Variants in TREH observed in about 807,000 individuals in gnomAD.
TREH encodes alpha,alpha-trehalose glucohydrolase.
Under a neutral mutation model 80.5 loss-of-function variants are expected in TREH, and 69 were observed. That is an observed-to-expected ratio of 0.86 (90% CI 0.71 to 1.05). TREH has a LOEUF of 1.05. Among genes scored for constraint, TREH ranks in the 50% least tolerant of loss-of-function variants. The probability of loss-of-function intolerance (pLI) is 0.00; values close to 1 mark genes in which losing one functional copy is unlikely to be tolerated. For synonymous variants in TREH, 309 were observed against 293.5 expected, an observed-to-expected ratio of 1.05 and a Z score of -0.54; for missense variants, 716 against 718.8, an observed-to-expected ratio of 1.00 and a Z score of 0.04.
chr11:118,658,298 C>T lies in TREH; in HGVS notation c.1743G>A (p.Leu581=), dbSNP rs535499688. The change falls in exon 15 of 15, where the codon CTG becomes CTA. Residue 581 remains leucine, a synonymous_variant. Transcript: ENST00000264029. ...TLLPSLLLSL[L]PW is the part of the protein sequence containing the mutation. ...GAGGAGAGGAGGGCTGTCACCATGG[C>T]AGGAGGCTGAGCAGGAGGCTGGGCA... 5.7e-6 allele frequency: 9 copies of T among 1,586,154 alleles called. No homozygotes were observed. Among genetic ancestry groups the T allele is most frequent in the Non-Finnish European group, 7.7e-6 (9 of 1,167,128 alleles).
chr11:118,661,075 A>C lies in TREH; in HGVS notation c.857+85T>G, dbSNP rs971771003. 43 of 1,594,904 alleles carry C rather than the reference A, an allele frequency of 2.7e-5. No homozygotes were observed. Among genetic ancestry groups the C allele is most frequent in the Non-Finnish European group, 3.6e-5 (42 of 1,169,130 alleles). ...ACCATCTGAGAGGCCAGGCTAAGTC[A>C]CTCCTCCTCCTGCCCGGGGCATTGT... is the stretch of plus-strand genomic sequence containing the variant. On this transcript the variant is annotated intron_variant, in intron 8 of 14. Transcript: ENST00000264029. The surrounding 1 kb of genome is among the most constrained non-coding windows in gnomAD (Gnocchi z 4.2).
At chr11:118,676,622 C>A (rs1555146863) in intron 1 of TREH, among the ~76,000 whole-genome samples, 1 of 151,966 alleles carries the variant, frequency 6.6e-6, no homozygotes, top group African/African-American at 2.4e-5. Context: ...CAAAAATTAG[C>A]CAGGCGTGGT....
At chr11:118,659,703 C>T (rs1166389982) in intron 11 of TREH, 44 bp downstream of exon 11, 10 of 1,546,094 alleles carry the variant, frequency 6.5e-6, no homozygotes, top group Middle Eastern at 1.8e-4. Context: ...CGGGAGGGGG[C>T]GGTGCTGCCT....
intron 1 of TREH, among the ~76,000 whole-genome samples, chr11:118,667,499 A>C (rs1224002311): frequency 2.6e-5 from 4 of 152,178 alleles, no homozygotes; most frequent in African/African-American, 9.7e-5. Flanking sequence ...CAGCATGCCC[A>C]GCCCAAATGG....
At chr11:118,672,665 C>T (rs1038476270) in intron 1 of TREH, among the ~76,000 whole-genome samples, 1 of 134,700 alleles carries the variant, frequency 7.4e-6, no homozygotes, top group Non-Finnish European at 1.5e-5. Context: ...AAGCTGAGAT[C>T]GCACGCCACT....
chr11:118,679,645 CTGAA>C lies in TREH; in HGVS notation c.-22_-19del, dbSNP rs1949515164. ...CCTGGCATGGTGGCTGTGACTGTGA[CTGAA>C]TGAGCAAGCCCAGGCACCTTCGGCT... On this transcript the variant is annotated 5_prime_UTR_variant, in exon 1 of 15. Coordinates refer to ENST00000264029, the MANE Select transcript of TREH (RefSeq NM_007180.3). The C allele has an allele frequency of 6.8e-7, 1 of 1,473,948 alleles. No homozygotes were observed. The highest frequency in any genetic ancestry group is 9.0e-7 in the Non-Finnish European group (1 of 1,105,724). The allele number at this position is 1,473,948 out of a possible 1,614,324, so 91.3% of individuals were successfully genotyped here. A position where few individuals can be genotyped will look rare whatever the true frequency, so the allele number is the denominator to read the frequency against.
In TREH at chr11:118,661,723, G is replaced by A. The variant is rs782391002; in HGVS notation, c.531C>T (p.Ser177=). The A allele has an allele frequency of 4.3e-6, 7 of 1,613,874 alleles. No individual in the cohort carries two copies. The South Asian group carries it at 7.7e-5, about 18-fold the overall frequency. The stretch of plus-strand genomic sequence containing the variant: ...GGAGCAGACCCTCCATGACCCAGTA[G>A]GAGTCCCTGGGGAAGGGGCAGCTTA... ...GRFVEFYYWD[S]YWVMEGLLLS... The change falls in exon 6 of 15, where the codon TCC becomes TCT. Residue 177 remains serine, a synonymous_variant. Transcript: ENST00000264029. The surrounding 1 kb of genome is among the most constrained non-coding windows in gnomAD (Gnocchi z 4.2).
At chr11:118,676,966 C>T (rs1384285359) in intron 1 of TREH, among the ~76,000 whole-genome samples, 2 of 152,228 alleles carry the variant, frequency 1.3e-5, no homozygotes, top group East Asian at 3.8e-4. Context: ...AGCAGGTCTG[C>T]TGTGTTCAAA....
chr11:118,669,219 A>G (rs1031176666), intron 1 of TREH, among the ~76,000 whole-genome samples: 6 of 152,228 alleles, frequency 3.9e-5, no homozygotes, highest in Admixed American at 3.9e-4. Context: ...GATGTGAAGA[A>G]AAGGAAACCC....
At chr11:118,665,805 G>A (rs558695143) in intron 1 of TREH, among the ~76,000 whole-genome samples, 4 of 152,306 alleles carry the variant, frequency 2.6e-5, no homozygotes, top group South Asian at 2.1e-4. Context: ...CACTAGTTCC[G>A]CACCTTTGTA....
chr11:118,660,894 A>G lies in TREH; in HGVS notation c.879T>C (p.Asp293=). ...CTGGCAAGGTGTCAGCCAACTCCACATCTTTGCTGTAGGACTCAGGCCTGG... is the reference window on the plus strand; with the variant it reads ...CTGGCAAGGTGTCAGCCAACTCCACGTCTTTGCTGTAGGACTCAGGCCTGG... The part of the protein sequence containing the change: ...GGPRPESYSK[D]VELADTLPEG... Residue 293 remains aspartate (D), a synonymous_variant, in exon 9 of 15, where the codon GAT becomes GAC. Transcript: ENST00000264029. 7 of 1,572,644 alleles carry G rather than the reference A, an allele frequency of 4.5e-6. No individual in the cohort carries two copies. Among genetic ancestry groups the G allele is most frequent in the Non-Finnish European group, 6.0e-6 (7 of 1,158,384 alleles).
intron 4 of TREH, 138 bp from the exon 5 acceptor site, chr11:118,662,128 T>A: frequency 1.5e-6 from 1 of 672,684 alleles, no homozygotes; most frequent in Non-Finnish European, 2.6e-6. Flanking sequence ...CCACTGCTAC[T>A]CAGCCATGTA....
intron 14 of TREH, 104 bp from the exon 15 acceptor site, chr11:118,658,545 C>G: frequency 6.6e-7 from 1 of 1,521,828 alleles, no homozygotes; most frequent in Non-Finnish European, 8.8e-7. Flanking sequence ...CTAACCCCAG[C>G]GGTACAGGAA....
chr11:118,679,057 C>T (rs1417238704), intron 1 of TREH, among the ~76,000 whole-genome samples: 1 of 152,230 alleles, frequency 6.6e-6, no homozygotes, highest in Non-Finnish European at 1.5e-5. Context: ...TCAGGCCAGG[C>T]TCTGGCAGCT....
intron 1 of TREH, among the ~76,000 whole-genome samples, chr11:118,669,594 C>T (rs1463451704): frequency 2.0e-5 from 3 of 152,118 alleles, no homozygotes; most frequent in Non-Finnish European, 4.4e-5. Flanking sequence ...AAGCCAGACG[C>T]AGAAAGACAA....
intron 1 of TREH, among the ~76,000 whole-genome samples, chr11:118,669,564 G>A (rs559940545): frequency 6.6e-6 from 1 of 152,212 alleles, no homozygotes; most frequent in Non-Finnish European, 1.5e-5. Flanking sequence ...GGAACTGGAG[G>A]TCATTATATT....
chr11:118,676,681 C>T (rs1381620166), intron 1 of TREH, among the ~76,000 whole-genome samples: 1 of 150,184 alleles, frequency 6.7e-6, no homozygotes, highest in Non-Finnish European at 1.5e-5. Context: ...GCAGGAGAAT[C>T]ACTTGAACCC....
In TREH at chr11:118,661,408, T is replaced by C. The variant is rs1555144937; in HGVS notation, c.719A>G (p.Asp240Gly). 2 of 1,613,700 alleles carry C rather than the reference T, an allele frequency of 1.2e-6. No individual in the cohort carries two copies. Among genetic ancestry groups the C allele is most frequent in the Non-Finnish European group, 1.7e-6 (2 of 1,179,838 alleles). Residue 240 changes from aspartate (D) to glycine (G), a missense_variant, in exon 7 of 15, where the codon GAC (aspartate) becomes GGC (glycine). Physicochemically the swap from Asp to Gly is moderately conservative, Grantham distance 94. Transcript: ENST00000264029. The surrounding 1 kb of genome is among the most constrained non-coding windows in gnomAD (Gnocchi z 4.2). ...MMDCYLTHTNDTAFLQENIET... is the reference protein window; with the variant it reads ...MMDCYLTHTNGTAFLQENIET... ...TGGTACCCACTGTAGAAAGGCGGTGTCATTGGTGTGAGTCAAGTAGCAATC... is the reference window on the plus strand; with the variant it reads ...TGGTACCCACTGTAGAAAGGCGGTGCCATTGGTGTGAGTCAAGTAGCAATC...
intron 9 of TREH, 61 bp from the exon 10 acceptor site, chr11:118,660,794 G>A: frequency 6.5e-7 from 1 of 1,546,896 alleles, no homozygotes; most frequent in Non-Finnish European, 8.8e-7. Flanking sequence ...CCATTGACAG[G>A]AGACCAGAGC....
Sources: gnomAD v4.1 joint callset for allele counts (sites outside exome capture counted in the v4.1 genomes callset) on GRCh38, gnomAD v4.1.1 for gene constraint, Gnocchi (gnomAD v3.1) non-coding constraint, MANE v1.5 for transcripts, NCBI Gene and HGNC (gene_info 2026-07-23, HGNC 2026-07-21) for gene names.